NSF: variants seen among roughly 807,000 people sequenced by gnomAD.
NSF encodes N-ethylmaleimide sensitive factor, vesicle fusing ATPase.
A neutral mutation model predicts 50.3 loss-of-function variants in NSF; 14 were observed. That is an observed-to-expected ratio of 0.28 (90% CI 0.18 to 0.44). The LOEUF (loss-of-function observed/expected upper bound fraction) is 0.44. Among genes scored for constraint, NSF ranks in the 20% least tolerant of loss-of-function variants. The probability of loss-of-function intolerance (pLI) is 1.00; values close to 1 mark genes in which losing one functional copy is unlikely to be tolerated. For missense variants in NSF, 218 were observed against 504.3 expected (o/e 0.43, Z 5.44); for synonymous variants, 109 against 175.7 (o/e 0.62, Z 3.00).
chr17:46,730,869 T>C (rs1014117012), intron 17 of NSF, among the ~76,000 whole-genome samples: 1 of 152,158 alleles, frequency 6.6e-6, no homozygotes, highest in Non-Finnish European at 1.5e-5. Context: ...ATACCACTCA[T>C]TGCATACCTG....
chr17:46,719,970 T>TAGCTTTGCTAGTGGGCC lies in NSF; in HGVS notation c.1761+5992_1761+5993insTAGTGGGCCAGCTTTGC, dbSNP rs1485105008. Among the ~76,000 whole-genome samples, 1 of 152,236 alleles carries TAGCTTTGCTAGTGGGCC rather than the reference T, an allele frequency of 6.6e-6. No individual in the cohort carries two copies. The highest frequency in any genetic ancestry group is 1.5e-5 in the Non-Finnish European group (1 of 68,038). Reference sequence around the variant, plus strand: ...TAATGGAAGAAATTTTCCTTTCCACTAGCTTTGCACGAAAGAAATAATCTT... The same window carrying TAGCTTTGCTAGTGGGCC: ...TAATGGAAGAAATTTTCCTTTCCACTAGCTTTGCTAGTGGGCCAGCTTTGCACGAAAGAAATAATCTT... On this transcript the variant is annotated intron_variant, in intron 15 of 20. Transcript: ENST00000398238. This position sits in a 1 kb window ranked among gnomAD's most constrained non-coding sequence, Gnocchi z 4.3.
chr17:46,642,472 G>C (rs2058222511), intron 7 of NSF, among the ~76,000 whole-genome samples: 1 of 137,280 alleles, frequency 7.3e-6, no homozygotes, highest in Admixed American at 7.7e-5. Context: ...GTTACTTTAG[G>C]TGGCACTCTG....
intron 1 of NSF, among the ~76,000 whole-genome samples, chr17:46,613,395 G>A (rs1253213946): frequency 2.3e-3 from 3 of 1,308 alleles, no homozygotes; most frequent in East Asian, 9.8e-3. Context: ...CAGCATTTTG[G>A]GAGGCAGAGG....
At chr17:46,620,340 T>A (rs1434342904) in intron 1 of NSF, among the ~76,000 whole-genome samples, 1 of 10,898 alleles carries the variant, frequency 9.2e-5, no homozygotes, top group Non-Finnish European at 1.5e-4. Flanking sequence ...TTTTTTTTTT[T>A]AAAGATGAAG....
At chr17:46,739,640 T>TAA (rs1009544381) in intron 17 of NSF, among the ~76,000 whole-genome samples, 1 of 144,984 alleles carries the variant, frequency 6.9e-6, no homozygotes, top group African/African-American at 2.5e-5. Flanking sequence ...CTTCCTCTAC[T>TAA]AAAAAAAAAA....
chr17:46,713,099 G>T (rs2058735329), intron 14 of NSF: 2 of 152,274 alleles, frequency 1.3e-5, no homozygotes, highest in Admixed American at 1.3e-4. Context: ...TTTGAAGGGA[G>T]AAGAAGGTGC....
chr17:46,608,020 G>A (rs1177068407), intron 1 of NSF, among the ~76,000 whole-genome samples: 2 of 128,754 alleles, frequency 1.6e-5, no homozygotes, highest in South Asian at 2.5e-4. Context: ...TGAAATACAT[G>A]TATTTGACAG....
chr17:46,739,540 G>GA (rs906518271), intron 17 of NSF, among the ~76,000 whole-genome samples: 17 of 151,396 alleles, frequency 1.1e-4, no homozygotes, highest in Admixed American at 5.9e-4. Context: ...ACCTTGTCTC[G>GA]AAAAAAACAC....
At chr17:46,742,236 A>G (rs1431640409) in intron 17 of NSF, among the ~76,000 whole-genome samples, 5 of 152,218 alleles carry the variant, frequency 3.3e-5, no homozygotes, top group African/African-American at 1.2e-4. Context: ...ATTTGTTGCT[A>G]TCAACACTTG....
intron 1 of NSF, among the ~76,000 whole-genome samples, chr17:46,621,148 A>G (rs1169507093): frequency 1.4e-5 from 2 of 145,130 alleles, no homozygotes; most frequent in Non-Finnish European, 3.0e-5. Context: ...CTCCCAGAGT[A>G]TAGGAAGATT....
chr17:46,710,753 T>C (rs558561289), intron 13 of NSF, among the ~76,000 whole-genome samples: 1 of 152,224 alleles, frequency 6.6e-6, no homozygotes, highest in Admixed American at 6.5e-5. Flanking sequence ...ATTGTTTTTA[T>C]TCCATTAAGT....
intron 15 of NSF, among the ~76,000 whole-genome samples, chr17:46,725,046 C>G (rs779403275): frequency 2.1e-4 from 32 of 151,986 alleles, no homozygotes; most frequent in Middle Eastern, 6.8e-3. Flanking sequence ...TATGAGGATA[C>G]AGAGGTAATT....
intron 15 of NSF, among the ~76,000 whole-genome samples, chr17:46,724,717 C>T (rs1273957715): frequency 2.0e-5 from 3 of 152,186 alleles, no homozygotes; most frequent in Admixed American, 6.5e-5. Context: ...TATTTATTAT[C>T]CTCTGCAGTG....
intron 1 of NSF, among the ~76,000 whole-genome samples, chr17:46,597,719 G>T (rs1365046026): frequency 1.2e-5 from 1 of 85,650 alleles, no homozygotes; most frequent in Non-Finnish European, 2.4e-5. Flanking sequence ...TGCCTAATTT[G>T]TTGAGAGTTT....
chr17:46,739,746 A>C (rs1446047858), intron 17 of NSF, among the ~76,000 whole-genome samples: 1 of 150,066 alleles, frequency 6.7e-6, no homozygotes, highest in African/African-American at 2.5e-5. Context: ...TTTTTTTTCC[A>C]GGAGTGCAGT....
At chr17:46,626,035 T>C (rs2058095899) in intron 2 of NSF, among the ~76,000 whole-genome samples, 1 of 148,924 alleles carries the variant, frequency 6.7e-6, no homozygotes, top group South Asian at 2.1e-4. Flanking sequence ...GAACAGGGAA[T>C]TAGCACAAAA....
At chr17:46,744,524 CT>C (rs1250591650) in intron 17 of NSF, among the ~76,000 whole-genome samples, 2 of 152,118 alleles carry the variant, frequency 1.3e-5, no homozygotes, top group Non-Finnish European at 2.9e-5. Flanking sequence ...AAAGAATGGC[CT>C]TTCTTTCCTG....
At chr17:46,746,141 G>C (rs2059125500) in intron 17 of NSF, among the ~76,000 whole-genome samples, 1 of 152,150 alleles carries the variant, frequency 6.6e-6, no homozygotes. Context: ...AAGGTCTGTT[G>C]CATATTCATC....
intron 15 of NSF, among the ~76,000 whole-genome samples, chr17:46,725,725 T>G (rs2058882491): frequency 6.6e-6 from 1 of 152,112 alleles, no homozygotes; most frequent in African/African-American, 2.4e-5. Flanking sequence ...GTTTACTATC[T>G]TGGTGTGCTG....
Sources: gnomAD v4.1 joint callset for allele counts (sites outside exome capture counted in the v4.1 genomes callset) on GRCh38, gnomAD v4.1.1 for gene constraint, Gnocchi (gnomAD v3.1) non-coding constraint, MANE v1.5 for transcripts, NCBI Gene and HGNC (gene_info 2026-07-23, HGNC 2026-07-21) for gene names.